The following CA3 variants were observed in gnomAD, a reference collection of about 807,000 sequenced individuals.
CA3 encodes the protein carbonic anhydrase 3.
A neutral mutation model predicts 35.7 loss-of-function variants in CA3; 30 were observed. The ratio of observed to expected loss-of-function variants is 0.84; its 90% CI spans 0.63 to 1.14. CA3 has a LOEUF of 1.14. Ranked by LOEUF, CA3 falls within the 50% of genes most tolerant of loss-of-function variation. The probability of loss-of-function intolerance (pLI) is 0.00; values close to 1 mark genes in which losing one functional copy is unlikely to be tolerated. For synonymous variants in CA3, 131 were observed against 130.8 expected (o/e 1.00, Z -0.01); for missense variants, 295 against 328.5 (o/e 0.90, Z 0.79).
Position 85,444,079 on chromosome 8 carries a change from G to A in CA3, c.397G>A (p.Ala133Thr). Residue 133 changes from alanine (A) to threonine (T), a missense_variant, in exon 4 of 7, where the codon GCC becomes ACC. Physicochemically the swap from Ala to Thr is moderately conservative, Grantham distance 58 (BLOSUM62 0). Transcript: ENST00000285381. ...WNPKYNTFKE[A>T]LKQRDGIAVI... is the part of the protein sequence containing the mutation. ...CCCGAAGTATAACACTTTTAAAGAA[G>A]CCCTGAAGCAGCGCGATGGGATCGC... 6.2e-7 allele frequency: 1 copy of A among 1,613,930 alleles called. No individual in the cohort carries two copies. The highest frequency in any genetic ancestry group is 8.5e-7 in the Non-Finnish European group (1 of 1,179,790).
intron 4 of CA3, 73 bp downstream of exon 4, chr8:85,444,199 T>C (rs898865166): frequency 2.3e-6 from 2 of 887,742 alleles, no homozygotes; most frequent in African/African-American, 1.7e-5. Flanking sequence ...AGTTTGAGTT[T>C]CATTTCCTCA....
intron 2 of CA3, among the ~76,000 whole-genome samples, chr8:85,440,432 A>G (rs1442480360): frequency 6.6e-6 from 1 of 152,230 alleles, no homozygotes; most frequent in East Asian, 1.9e-4. Flanking sequence ...TCAAGCCTTC[A>G]GTGGGGTTCA....
Position 85,439,034 on chromosome 8 carries a change from C to A in CA3, c.34+91C>A. 3 of 1,287,720 alleles carry A rather than the reference C, an allele frequency of 2.3e-6. No homozygotes were observed. In the South Asian group the frequency reaches 3.8e-5, roughly 17 times the overall value. The allele number at this position is 1,287,720 out of a possible 1,614,324, so 79.8% of individuals were successfully genotyped here. On this transcript the variant is annotated intron_variant, in intron 1 of 6. Coordinates refer to ENST00000285381, the MANE Select transcript of CA3 (RefSeq NM_005181.4). ...CAGAAATGGGCAACTTTAGAGACTG[C>A]AGTGGAAAATGTAGGAGTAGAATAA...
At chr8:85,441,115 C>A (rs1811201575) in intron 2 of CA3, among the ~76,000 whole-genome samples, 1 of 152,172 alleles carries the variant, frequency 6.6e-6, no homozygotes, top group South Asian at 2.1e-4. Flanking sequence ...TAGGCCTAGC[C>A]TCATTGTTTG....
chr8:85,444,100 A>G lies in CA3; in HGVS notation c.418A>G (p.Ile140Val), dbSNP rs2130505420. 1.2e-6 allele frequency: 2 copies of G among 1,612,994 alleles called. No individual in the cohort carries two copies. Among genetic ancestry groups the G allele is most frequent in the Non-Finnish European group, 1.7e-6 (2 of 1,178,936 alleles). The part of the protein sequence containing the change: ...FKEALKQRDG[I>V]AVIGIFLKIG... ...AGAAGCCCTGAAGCAGCGCGATGGGATCGCTGTGATTGGCATTTTTCTGAA... is the reference window on the plus strand; with the variant it reads ...AGAAGCCCTGAAGCAGCGCGATGGGGTCGCTGTGATTGGCATTTTTCTGAA... Residue 140 changes from isoleucine to valine, a missense_variant, in exon 4 of 7, where the codon ATC becomes GTC. Physicochemically the swap from Ile to Val is conservative, Grantham distance 29 (BLOSUM62 3). Transcript: ENST00000285381.
chr8:85,441,883 C>A, intron 2 of CA3, 190 bp from the exon 3 acceptor site: 3 of 548,512 alleles, frequency 5.5e-6, no homozygotes, highest in Non-Finnish European at 9.8e-6. Flanking sequence ...CAGAAAAGAA[C>A]AATCATTTAT....
chr8:85,440,553 C>A (rs369724148), intron 2 of CA3, among the ~76,000 whole-genome samples: 10 of 152,272 alleles, frequency 6.6e-5, no homozygotes, highest in East Asian at 3.9e-4. Context: ...AAAAACAAAT[C>A]TCTTTATTTC....
Position 85,441,550 on chromosome 8 carries a change from A to T in CA3, c.233-523A>T, listed in dbSNP as rs939249791. On this transcript the variant is annotated intron_variant, in intron 2 of 6. Transcript: ENST00000285381. ...TCATCATGCAGGCACTATGATGAGC[A>T]CTTTAAGGTGCTTAATCTCAGTTAA... Among the ~76,000 whole-genome samples the T allele has an allele frequency of 1.7e-4, 26 of 152,222 alleles. 1 individual carries two copies. Among genetic ancestry groups the T allele is most frequent in the Non-Finnish European group, 7.3e-5 (5 of 68,040 alleles).
chr8:85,445,196 C>A lies in CA3; in HGVS notation c.485C>A (p.Ala162Glu), dbSNP rs76042558. The change falls in exon 5 of 7, where the codon GCA becomes GAA. Residue 162 changes from alanine to glutamate, a missense_variant. Coordinates refer to ENST00000285381, the MANE Select transcript of CA3 (RefSeq NM_005181.4). ...GGCGAGTTCCAGATTTTCCTTGATG[C>A]ATTGGACAAGATTAAGACAAAGGTA... ...ENGEFQIFLD[A>E]LDKIKTKGKE... The A allele has an allele frequency of 3.5e-5, 57 of 1,606,074 alleles. No homozygotes were observed. In the East Asian group the frequency reaches 1.3e-3, roughly 36 times the overall value.
chr8:85,447,110 A>G (rs1157144042), intron 6 of CA3, among the ~76,000 whole-genome samples: 3 of 151,770 alleles, frequency 2.0e-5, no homozygotes, highest in Non-Finnish European at 4.4e-5. Flanking sequence ...TTATTAAAAG[A>G]TCAGATATAA....
At chr8:85,445,563 AC>A (rs1281913378) in intron 5 of CA3, among the ~76,000 whole-genome samples, 3 of 151,928 alleles carry the variant, frequency 2.0e-5, no homozygotes, top group Admixed American at 6.6e-5. Flanking sequence ...ATGCATGCAT[AC>A]CATCACGGAG....
chr8:85,446,231 G>T lies in CA3; in HGVS notation c.597G>T (p.Thr199=), dbSNP rs545747288. Residue 199 remains threonine (T), a synonymous_variant, in exon 6 of 7, where the codon ACG becomes ACT. Coordinates refer to ENST00000285381, the MANE Select transcript of CA3 (RefSeq NM_005181.4). ...GGACCTACCAGGGCTCATTCACCAC[G>T]CCGCCCTGCGAGGAATGCATTGTGT... The part of the protein sequence containing the change: ...DYWTYQGSFT[T]PPCEECIVWL... 1.2e-6 allele frequency: 2 copies of T among 1,614,142 alleles called. No individual in the cohort carries two copies. Among genetic ancestry groups the T allele is most frequent in the South Asian group, 1.1e-5 (1 of 91,082 alleles).
intron 5 of CA3, 91 bp from the exon 6 acceptor site, chr8:85,446,051 T>G (rs1399471792): frequency 1.7e-6 from 2 of 1,168,928 alleles, no homozygotes; most frequent in East Asian, 5.2e-5. Context: ...GCATTTGAAA[T>G]TCATTCTTAC....
At chr8:85,446,107 T>A (rs1811285954) in intron 5 of CA3, 35 bp from the exon 6 acceptor site, 7 of 1,563,922 alleles carry the variant, frequency 4.5e-6, no homozygotes, top group Non-Finnish European at 6.1e-6. Flanking sequence ...TGTGCATGCA[T>A]GCACTCACTG....
chr8:85,439,662 C>T, intron 1 of CA3, 50 bp from the exon 2 acceptor site: 2 of 1,371,042 alleles, frequency 1.5e-6, no homozygotes, highest in Admixed American at 1.7e-5. Context: ...TAGAAAGAGG[C>T]CTTGGGTTGT....
At chr8:85,440,233 TG>T (rs1459128420) in intron 2 of CA3, among the ~76,000 whole-genome samples, 1 of 152,206 alleles carries the variant, frequency 6.6e-6, no homozygotes, top group Non-Finnish European at 1.5e-5. Flanking sequence ...GGCCTATACC[TG>T]AGGGTTCTTG....
intron 2 of CA3, among the ~76,000 whole-genome samples, chr8:85,440,464 G>A (rs1381865624): frequency 6.6e-6 from 1 of 152,156 alleles, no homozygotes; most frequent in Non-Finnish European, 1.5e-5. Flanking sequence ...ATTTGGGTGA[G>A]TATTTTTGAA....
intron 6 of CA3, among the ~76,000 whole-genome samples, chr8:85,447,814 G>A (rs1341317656): frequency 2.0e-5 from 3 of 152,118 alleles, no homozygotes; most frequent in African/African-American, 7.2e-5. Context: ...CAGGAGAATC[G>A]CTTGAGTTCT....
chr8:85,443,465 T>A (rs920115652), intron 3 of CA3, among the ~76,000 whole-genome samples: 2 of 152,246 alleles, frequency 1.3e-5, no homozygotes, highest in Non-Finnish European at 2.9e-5. Flanking sequence ...TTGGTTAAAT[T>A]AAATTCTGTG....
Sources: gnomAD v4.1 joint callset for allele counts (sites outside exome capture counted in the v4.1 genomes callset) on GRCh38, gnomAD v4.1.1 for gene constraint, MANE v1.5 for transcripts, NCBI Gene and HGNC (gene_info 2026-07-23, HGNC 2026-07-21) for gene names.